VEGFC: variants seen among roughly 807,000 people sequenced by gnomAD.
The protein encoded by VEGFC is vascular endothelial growth factor C.
In VEGFC, 12 loss-of-function variants were observed where a neutral mutation model predicts 46.1. The ratio of observed to expected loss-of-function variants is 0.26; its 90% CI spans 0.17 to 0.42. The LOEUF is 0.42. Among genes scored for constraint, VEGFC ranks in the 10% least tolerant of loss-of-function variants. The pLI is 1.00. For synonymous variants in VEGFC, 232 were observed against 195.5 expected, an observed-to-expected ratio of 1.19 and a Z score of -1.56; for missense variants, 488 against 529.4, an observed-to-expected ratio of 0.92 and a Z score of 0.77.
chr4:176,695,958 A>C (rs995099886), intron 4 of VEGFC, among the ~76,000 whole-genome samples: 5 of 149,178 alleles, frequency 3.4e-5, no homozygotes, highest in African/African-American at 7.5e-5. Flanking sequence ...AACTCTCAAT[A>C]AATTAGGTAT....
chr4:176,716,891 T>C (rs560911636), intron 3 of VEGFC, among the ~76,000 whole-genome samples: 10 of 150,182 alleles, frequency 6.7e-5, no homozygotes, highest in African/African-American at 1.9e-4. Context: ...TGTCAGACTA[T>C]TTTGTGCTTT....
intron 1 of VEGFC, among the ~76,000 whole-genome samples, chr4:176,784,948 T>C (rs537853841): frequency 1.3e-5 from 2 of 152,154 alleles, no homozygotes; most frequent in South Asian, 2.1e-4. Context: ...CAGAAAGGCA[T>C]GTCCATACCC....
chr4:176,753,403 T>G lies in VEGFC; in HGVS notation c.148-23657A>C, dbSNP rs866320680. ...GGCAGCTGGAGTAACAGTATGAAAC[T>G]GCTCAGCAGGCAGCTCTTTTGGTCA... On this transcript the variant is annotated intron_variant, in intron 1 of 6. Coordinates refer to ENST00000618562, the MANE Select transcript of VEGFC (RefSeq NM_005429.5). Among the ~76,000 whole-genome samples, 3 of 152,204 alleles carry G rather than the reference T, an allele frequency of 2.0e-5. No homozygotes were observed. In the Middle Eastern group the frequency reaches 0.01, roughly 518 times the overall value.
intron 1 of VEGFC, among the ~76,000 whole-genome samples, chr4:176,777,308 C>G (rs1376396103): frequency 1.3e-5 from 2 of 152,182 alleles, no homozygotes; most frequent in Non-Finnish European, 1.5e-5. Flanking sequence ...GACAGCGAGA[C>G]TCCGTCTCAA....
chr4:176,711,446 A>C, intron 4 of VEGFC, 53 bp downstream of exon 4: 1 of 1,534,848 alleles, frequency 6.5e-7, no homozygotes. Flanking sequence ...TTACTTGAAA[A>C]TAATTTAATA....
chr4:176,749,614 T>C (rs904671855), intron 1 of VEGFC, among the ~76,000 whole-genome samples: 4 of 151,788 alleles, frequency 2.6e-5, no homozygotes, highest in Admixed American at 6.6e-5. Flanking sequence ...TTACCTTGAA[T>C]GTGAGGTACA....
chr4:176,769,860 G>C (rs1282607026), intron 1 of VEGFC, among the ~76,000 whole-genome samples: 1 of 152,118 alleles, frequency 6.6e-6, no homozygotes, highest in Non-Finnish European at 1.5e-5. Context: ...AGTTTATGCT[G>C]TTTCAACCTA....
At position 176,687,845 on chromosome 4, in the gene VEGFC, T is replaced by A; in HGVS notation, c.787A>T (p.Met263Leu). ...CCATCTCCAGCATCCGAGGAAAACA[T>A]AAAATCTTCCTGAGCCAGGCATCTG... ...ICRCLAQEDFMFSSDAGDDST... is the reference protein window; with the variant it reads ...ICRCLAQEDFLFSSDAGDDST... Residue 263 changes from methionine (M) to leucine (L), a missense_variant, in exon 5 of 7, where the codon ATG (methionine) becomes TTG (leucine). Transcript: ENST00000618562. 6.2e-7 allele frequency: 1 copy of A among 1,611,558 alleles called. No homozygotes were observed. Among genetic ancestry groups the A allele is most frequent in the Non-Finnish European group, 8.5e-7 (1 of 1,178,858 alleles).
intron 4 of VEGFC, among the ~76,000 whole-genome samples, chr4:176,705,559 G>GT (rs1025375815): frequency 1.3e-5 from 2 of 152,026 alleles, no homozygotes; most frequent in African/African-American, 2.4e-5. Context: ...TTTCCTGGCA[G>GT]TTTTTTTGGC....
chr4:176,750,777 C>T (rs1236924998), intron 1 of VEGFC, among the ~76,000 whole-genome samples: 1 of 151,580 alleles, frequency 6.6e-6, no homozygotes, highest in East Asian at 1.9e-4. Flanking sequence ...CAAACAATTT[C>T]AAAGAATTGG....
At chr4:176,772,048 G>A (rs971113294) in intron 1 of VEGFC, among the ~76,000 whole-genome samples, 2 of 152,032 alleles carry the variant, frequency 1.3e-5, no homozygotes, top group African/African-American at 2.4e-5. Flanking sequence ...GCCCTATTAC[G>A]GTTTACACAT....
rs192007157 is a variant in VEGFC at position 176,711,674 on chromosome 4, G to T, written c.553-24C>A. ...AACTACAAAGAAGGGACAAAAAGAA[G>T]AAAAAATTATATAGATGCTGTAAAG... On this transcript the variant is annotated intron_variant, in intron 3 of 6. Transcript: ENST00000618562. The T allele has an allele frequency of 4.0e-3, 6,512 of 1,608,210 alleles. 13 individuals are homozygous for T. Among genetic ancestry groups the T allele is most frequent in the Non-Finnish European group, 4.8e-3 (5,711 of 1,177,852 alleles).
At chr4:176,704,458 T>C (rs1734488342) in intron 4 of VEGFC, among the ~76,000 whole-genome samples, 1 of 152,136 alleles carries the variant, frequency 6.6e-6, no homozygotes, top group African/African-American at 2.4e-5. Context: ...TTGAATGTCA[T>C]CCATACAGTT....
At chr4:176,702,276 A>C (rs1734447705) in intron 4 of VEGFC, among the ~76,000 whole-genome samples, 1 of 152,188 alleles carries the variant, frequency 6.6e-6, no homozygotes, top group Admixed American at 6.5e-5. Context: ...AAAAGAAATA[A>C]AAGACAGCAA....
intron 6 of VEGFC, among the ~76,000 whole-genome samples, chr4:176,686,802 T>C (rs1383661188): frequency 6.6e-6 from 1 of 152,224 alleles, no homozygotes; most frequent in Non-Finnish European, 1.5e-5. Context: ...GGTACTCTCC[T>C]GTCCTTTGTT....
intron 4 of VEGFC, among the ~76,000 whole-genome samples, chr4:176,698,489 T>C (rs952207740): frequency 6.6e-6 from 1 of 152,098 alleles, no homozygotes; most frequent in African/African-American, 2.4e-5. Context: ...TGTACATATA[T>C]AAGGTATACA....
Position 176,693,945 on chromosome 4 carries a change from C to T in VEGFC, c.705-6018G>A, listed in dbSNP as rs564843700. Among the ~76,000 whole-genome samples, 525 of 150,866 alleles carry T rather than the reference C, an allele frequency of 3.5e-3. 4 individuals carry two copies. The highest frequency in any genetic ancestry group is 0.031 in the Middle Eastern group (9 of 294). On this transcript the variant is annotated intron_variant, in intron 4 of 6. Transcript: ENST00000618562. ...AGCAAATGCTGAGAGATTTTGTCACCACCAGGCCTGCCCTAAAAGAGCTCC... is the reference window on the plus strand; with the variant it reads ...AGCAAATGCTGAGAGATTTTGTCACTACCAGGCCTGCCCTAAAAGAGCTCC...
At chr4:176,732,497 T>G (rs1162002293) in intron 1 of VEGFC, among the ~76,000 whole-genome samples, 2 of 151,860 alleles carry the variant, frequency 1.3e-5, no homozygotes, top group Admixed American at 6.6e-5. Flanking sequence ...TCACTAAAAA[T>G]GGACCAAACT....
chr4:176,740,285 A>T (rs1735143751), intron 1 of VEGFC, among the ~76,000 whole-genome samples: 1 of 121,410 alleles, frequency 8.2e-6, no homozygotes, highest in Non-Finnish European at 1.6e-5. Flanking sequence ...CTCTATATAG[A>T]GTATATATCT....
Sources: gnomAD v4.1 joint callset for allele counts (sites outside exome capture counted in the v4.1 genomes callset) on GRCh38, gnomAD v4.1.1 for gene constraint, MANE v1.5 for transcripts, NCBI Gene and HGNC (gene_info 2026-07-23, HGNC 2026-07-21) for gene names.